Variants in BRF1 observed in about 807,000 individuals in gnomAD.
BRF1 encodes the protein BRF1 general transcription factor IIIB subunit.
Under a neutral mutation model 81.7 loss-of-function variants are expected in BRF1, and 59 were observed. The ratio of observed to expected loss-of-function variants is 0.72; its 90% CI spans 0.59 to 0.90. The LOEUF (loss-of-function observed/expected upper bound fraction) is 0.90. BRF1 is among the 40% of genes least tolerant of loss of function. BRF1 has a pLI of 0.00. For synonymous variants in BRF1, 491 were observed against 395.6 expected, an observed-to-expected ratio of 1.24 and a Z score of -2.86; for missense variants, 1,050 against 936.3, an observed-to-expected ratio of 1.12 and a Z score of -1.58.
At chr14:105,294,398 C>T (rs1047339266) in intron 1 of BRF1, among the ~76,000 whole-genome samples, 9 of 152,220 alleles carry the variant, frequency 5.9e-5, no homozygotes, top group African/African-American at 1.9e-4. Flanking sequence ...CATCCTCCCC[C>T]GGCAGGGCAC....
intron 15 of BRF1, 43 bp from the exon 16 acceptor site, chr14:105,212,207 CG>C: frequency 1.3e-6 from 2 of 1,591,374 alleles, no homozygotes; most frequent in Non-Finnish European, 1.7e-6. Flanking sequence ...CCCAGGCTCC[CG>C]AACGCCTGCC....
intron 3 of BRF1, among the ~76,000 whole-genome samples, chr14:105,266,224 T>C (rs1363753689): frequency 1.3e-5 from 2 of 151,752 alleles, no homozygotes; most frequent in Non-Finnish European, 2.9e-5. Context: ...GATGAGAAGA[T>C]AACTGGAACC....
chr14:105,297,538 T>A (rs1024464946), intron 1 of BRF1, among the ~76,000 whole-genome samples: 3 of 150,578 alleles, frequency 2.0e-5, no homozygotes, highest in Non-Finnish European at 4.4e-5. Context: ...CCACTGCACT[T>A]CAGCGTGGGT....
Position 105,209,853 on chromosome 14 carries a change from G to A in BRF1, c.*698C>T. The A allele has an allele frequency of 4.1e-6, 2 of 486,544 alleles. No individual in the cohort carries two copies. The highest frequency in any genetic ancestry group is 3.6e-6 in the Non-Finnish European group (1 of 277,484). 30.1% of individuals were successfully genotyped at this position (486,544 alleles called of 1,614,324 possible). On this transcript the variant is annotated 3_prime_UTR_variant, in exon 18 of 18. Transcript: ENST00000547530. ...CAGGGCTCCTGGGCCCACAACTCAAGTGGCCCTGGAGCAGGGGTCTGACCC... is the reference window on the plus strand; with the variant it reads ...CAGGGCTCCTGGGCCCACAACTCAAATGGCCCTGGAGCAGGGGTCTGACCC...
At chr14:105,212,457 G>A in intron 15 of BRF1, 1 of 402,038 alleles carries the variant, frequency 2.5e-6, no homozygotes, top group Admixed American at 3.9e-5. Context: ...GAGCCCTCAA[G>A]GAGCTGCCTG....
At chr14:105,219,106 G>A in intron 13 of BRF1, 45 bp downstream of exon 13, 1 of 1,614,002 alleles carries the variant, frequency 6.2e-7, no homozygotes, top group Non-Finnish European at 8.5e-7. Flanking sequence ...CCCCAGGCCT[G>A]GGGACTGTGC....
At chr14:105,229,550 C>G (rs748119220) in intron 6 of BRF1, among the ~76,000 whole-genome samples, 2 of 152,218 alleles carry the variant, frequency 1.3e-5, no homozygotes, top group East Asian at 1.9e-4. Flanking sequence ...GCCACATCCA[C>G]CCACCAGCAC....
chr14:105,216,330 G>A (rs1166639601), intron 15 of BRF1, among the ~76,000 whole-genome samples: 1 of 152,206 alleles, frequency 6.6e-6, no homozygotes, highest in Non-Finnish European at 1.5e-5. Flanking sequence ...AGGACACGGA[G>A]ACTAAAGCCT....
intron 3 of BRF1, among the ~76,000 whole-genome samples, chr14:105,263,412 G>A (rs1473383586): frequency 2.0e-5 from 3 of 152,022 alleles, no homozygotes; most frequent in Non-Finnish European, 2.9e-5. Flanking sequence ...GTCCCTTTAC[G>A]GCAGCTGCCG....
At chr14:105,249,279 G>GC (rs1445066558) in intron 5 of BRF1, 57 of 1,552,978 alleles carry the variant, frequency 3.7e-5, no homozygotes, top group Non-Finnish European at 4.9e-5. Context: ...CGGAACGCGT[G>GC]CCCCGTCCGC....
At chr14:105,276,033 G>A (rs2056870880) in intron 2 of BRF1, among the ~76,000 whole-genome samples, 1 of 75,384 alleles carries the variant, frequency 1.3e-5, no homozygotes. Context: ...CTGAGAGGCG[G>A]CCCTCACTAG....
At chr14:105,244,536 C>T (rs1173743863) in intron 5 of BRF1, among the ~76,000 whole-genome samples, 5 of 151,862 alleles carry the variant, frequency 3.3e-5, no homozygotes, top group Non-Finnish European at 7.4e-5. Context: ...AGCGGCGGCA[C>T]GGTGGGCAAA....
rs2055670779 is a variant in BRF1, at chr14:105,252,540, C to G, written c.511G>C (p.Ala171Pro). Reference protein sequence around the residue: ...YVLGKTFLLLARELCINAPAI... With the variant: ...YVLGKTFLLLPRELCINAPAI... ...GGCGCATTGATGCAGAGCTCTCTTG[C>G]CAAGAGAAGAAACGTCTTTCCAAGC... is the stretch of plus-strand genomic sequence containing the variant. Residue 171 changes from alanine (A) to proline (P), a missense_variant, in exon 5 of 18, where the codon GCA (alanine) becomes CCA (proline). Around this residue, in one of 2 missense-constraint regions of BRF1, gnomAD observed 1,043 missense variants for 915.4 expected, o/e 1.14. Coordinates refer to ENST00000547530, the MANE Select transcript of BRF1 (RefSeq NM_001519.4). The G allele has an allele frequency of 3.1e-6, 5 of 1,613,828 alleles. No homozygotes were observed. The highest frequency in any genetic ancestry group is 4.2e-6 in the Non-Finnish European group (5 of 1,179,984).
rs953732761 is a variant in BRF1 at position 105,300,866 on chromosome 14, A to C, written c.-237T>G. 3 of 170,994 alleles carry C rather than the reference A, an allele frequency of 1.8e-5. No individual in the cohort carries two copies. The highest frequency in any genetic ancestry group is 7.2e-5 in the African/African-American group (3 of 41,712). The allele number at this position is 170,994 out of a possible 1,614,324, so 10.6% of individuals were successfully genotyped here. A position where few individuals can be genotyped will look rare whatever the true frequency, so the allele number is the denominator to read the frequency against. ...CCGGGACCACGGCGGGGACGCGAGGACTGGAGCCGCGACCTCCCCACTGCG... is the reference window on the plus strand; with the variant it reads ...CCGGGACCACGGCGGGGACGCGAGGCCTGGAGCCGCGACCTCCCCACTGCG... On this transcript the variant is annotated 5_prime_UTR_variant, in exon 1 of 18. Transcript: ENST00000547530.
chr14:105,219,933 G>T, intron 12 of BRF1, 136 bp downstream of exon 12: 1 of 918,202 alleles, frequency 1.1e-6, no homozygotes. Context: ...TGGCCAGAAG[G>T]CCAGGAGCCC....
rs587595281 is a variant in BRF1 at position 105,263,037 on chromosome 14, G to A, written c.440-6488C>T. 4.5e-4 allele frequency among the ~76,000 whole-genome samples: 69 copies of A among 152,076 alleles called. No individual in the cohort carries two copies. In the South Asian group the frequency reaches 6.6e-3, roughly 15 times the overall value. On this transcript the variant is annotated intron_variant, in intron 3 of 17. Transcript: ENST00000547530. ...GGGCAGATGACAACGTCAAGAGTCC[G>A]AGACCAGCCTGGCCAATATGGTGAA...
chr14:105,254,218 T>TA (rs587747811), intron 4 of BRF1, among the ~76,000 whole-genome samples: 86 of 152,366 alleles, frequency 5.6e-4, no homozygotes, highest in African/African-American at 2.0e-3. Context: ...AACTCACGTT[T>TA]AAAAAGCCAT....
At chr14:105,214,426 ACACCCATGCATGGCC>A (rs1392423684) in intron 15 of BRF1, among the ~76,000 whole-genome samples, 1 of 151,068 alleles carries the variant, frequency 6.6e-6, no homozygotes, top group African/African-American at 2.5e-5. Context: ...TCAGCTGCCC[ACACCCATGCATGGCC>A]CACCCCTGCG....
intron 1 of BRF1, among the ~76,000 whole-genome samples, chr14:105,289,953 C>G (rs947989801): frequency 1.3e-5 from 2 of 152,030 alleles, no homozygotes; most frequent in African/African-American, 2.4e-5. Context: ...TCTAAGCGTT[C>G]GAATTAAGAT....
Sources: gnomAD v4.1 joint callset for allele counts (sites outside exome capture counted in the v4.1 genomes callset) on GRCh38, gnomAD v4.1.1 for gene constraint, gnomAD v4.1.1 regional missense constraint, MANE v1.5 for transcripts, NCBI Gene and HGNC (gene_info 2026-07-23, HGNC 2026-07-21) for gene names.